Variants in BCLAF1 observed in about 807,000 individuals in gnomAD.
The protein encoded by BCLAF1 is bcl-2-associated transcription factor 1.
BCLAF1 carries 10 observed loss-of-function variants against 99.5 expected under a neutral mutation model. The ratio of observed to expected loss-of-function variants is 0.10; its 90% confidence interval spans 0.06 to 0.17. The LOEUF (loss-of-function observed/expected upper bound fraction) is 0.17, where lower values mean the gene tolerates loss of function less well. BCLAF1 is among the 10% of genes least tolerant of loss of function. BCLAF1 has a pLI of 1.00. For synonymous variants in BCLAF1, 255 were observed against 370.9 expected (o/e 0.69, Z 3.59); for missense variants, 636 against 1,105.8 (o/e 0.58, Z 6.02).
chr6:136,272,325 T>C (rs572540662), intron 7 of BCLAF1, among the ~76,000 whole-genome samples: 5 of 152,100 alleles, frequency 3.3e-5, no homozygotes, highest in African/African-American at 9.6e-5. Context: ...ATCAAACTTA[T>C]TTTAGCCATC....
intron 8 of BCLAF1, chr6:136,270,444 G>C (rs897650250): frequency 6.6e-6 from 1 of 151,774 alleles, no homozygotes; most frequent in African/African-American, 2.4e-5. Context: ...ATCCTTGCTA[G>C]TATTCAACAA....
At chr6:136,277,019 T>C (rs1783526709) in intron 4 of BCLAF1, among the ~76,000 whole-genome samples, 1 of 152,238 alleles carries the variant, frequency 6.6e-6, no homozygotes, top group South Asian at 2.1e-4. Context: ...TAATGATTTC[T>C]GGCACTATTT....
At chr6:136,271,916 C>A (rs1782590567) in intron 8 of BCLAF1, 79 bp downstream of exon 8, 12 of 1,015,752 alleles carry the variant, frequency 1.2e-5, no homozygotes, top group Non-Finnish European at 1.8e-5. Flanking sequence ...AGACATTTTG[C>A]CTTGAGAAAC....
intron 11 of BCLAF1, among the ~76,000 whole-genome samples, chr6:136,264,364 G>A (rs1279237744): frequency 1.1e-4 from 16 of 151,956 alleles, no homozygotes; most frequent in East Asian, 3.9e-4. Context: ...GCACCACCAC[G>A]CTCAGCTAAT....
At position 136,258,502 on chromosome 6, in the gene BCLAF1, C is replaced by CAG. The variant is rs1405624406; in HGVS notation, c.*2607_*2608insCT. ...TATCAAGCCTTACCACACCAGTAAT[C>CAG]TTCCTAACAGATGCGCTGATATTCT... On this transcript the variant is annotated 3_prime_UTR_variant, in exon 13 of 13. Transcript: ENST00000531224. 6.6e-6 allele frequency: 1 copy of CAG among 152,532 alleles called. No individual in the cohort carries two copies. Among genetic ancestry groups the CAG allele is most frequent in the Non-Finnish European group, 1.5e-5 (1 of 67,938 alleles). 9.4% of individuals were successfully genotyped at this position (152,532 alleles called of 1,614,324 possible).
At chr6:136,288,482 A>C (rs565417139) in intron 1 of BCLAF1, among the ~76,000 whole-genome samples, 162 of 152,350 alleles carry the variant, frequency 1.1e-3, no homozygotes, top group African/African-American at 3.8e-3. Context: ...AACCATTCCA[A>C]CTAAAGTCGA....
At chr6:136,274,015 C>A in intron 6 of BCLAF1, 1 of 1,260,706 alleles carries the variant, frequency 7.9e-7, no homozygotes. Flanking sequence ...TTGAAACGGC[C>A]ACTACAAGGG....
Position 136,272,009 on chromosome 6 carries a change from C to T in BCLAF1, c.2029G>A (p.Glu677Lys), listed in dbSNP as rs760630825. The T allele has an allele frequency of 1.9e-6, 3 of 1,602,986 alleles. No homozygotes were observed. The highest frequency in any genetic ancestry group is 2.6e-6 in the Non-Finnish European group (3 of 1,172,986). The change falls in exon 8 of 13, where the codon GAA (glutamate) becomes AAA (lysine). Residue 677 changes from glutamate to lysine, a missense_variant. Glu to Lys is a moderately conservative substitution (Grantham distance 56). Coordinates refer to ENST00000531224, the MANE Select transcript of BCLAF1 (RefSeq NM_014739.3). Reference sequence around the variant, plus strand: ...CAAAAACATACCTTTTGATTTTCTTCTTTAAAAACTCTCTCTTCCCCTGCT... The same window carrying T: ...CAAAAACATACCTTTTGATTTTCTTTTTTAAAAACTCTCTCTTCCCCTGCT... ...RLAGEERVFK[E>K]ENQKGDKKLR...
intron 11 of BCLAF1, among the ~76,000 whole-genome samples, chr6:136,264,468 G>C (rs1006355237): frequency 1.3e-5 from 2 of 152,146 alleles, no homozygotes; most frequent in Admixed American, 1.3e-4. Flanking sequence ...GCCTCCCAAA[G>C]TGCTGGGATT....
chr6:136,277,869 T>G lies in BCLAF1; in HGVS notation c.1012A>C (p.Lys338Gln), dbSNP rs772517381. The G allele has an allele frequency of 1.2e-6, 2 of 1,605,518 alleles. No homozygotes were observed. The highest frequency in any genetic ancestry group is 1.1e-5 in the South Asian group (1 of 90,492). Residue 338 changes from lysine to glutamine, a missense_variant, in exon 4 of 13, where the codon AAA becomes CAA. Coordinates refer to ENST00000531224, the MANE Select transcript of BCLAF1 (RefSeq NM_014739.3). The stretch of plus-strand genomic sequence containing the variant: ...ATTCTGTATTTTAGTTTTTACCTTT[T>G]TAAGAACTTCCCAGTCTTTGCAGTT... ...QETAKTGKFL[K>Q]RFTDEESRVF...
At chr6:136,267,327 T>C (rs1781847140) in intron 10 of BCLAF1, 152 bp from the exon 11 acceptor site, 2 of 936,928 alleles carry the variant, frequency 2.1e-6, no homozygotes, top group Admixed American at 5.8e-5. Flanking sequence ...GGCCATTTTA[T>C]ATCATAGGCA....
At position 136,286,431 on chromosome 6, in the gene BCLAF1, C is replaced by T. The variant is rs186943443; in HGVS notation, c.-115+3282G>A. ...TTTTTTGTTGTTGTTGTTTTAAAGA[C>T]TACTAATGGTACTTCCTTACAAGTA... On this transcript the variant is annotated intron_variant, in intron 1 of 12. Transcript: ENST00000531224. 1.7e-3 allele frequency among the ~76,000 whole-genome samples: 254 copies of T among 152,230 alleles called. 3 individuals are homozygous for T. The highest frequency in any genetic ancestry group is 5.4e-3 in the African/African-American group (225 of 41,542).
intron 1 of BCLAF1, among the ~76,000 whole-genome samples, chr6:136,285,345 A>T (rs1188211573): frequency 6.6e-6 from 1 of 152,216 alleles, no homozygotes; most frequent in East Asian, 1.9e-4. Flanking sequence ...TAGTGCCCTT[A>T]AATTCTAGGT....
At chr6:136,286,698 T>C (rs1298824714) in intron 1 of BCLAF1, among the ~76,000 whole-genome samples, 4 of 152,234 alleles carry the variant, frequency 2.6e-5, no homozygotes, top group Non-Finnish European at 5.9e-5. Flanking sequence ...CTGGGTGCGG[T>C]GGCTTACACC....
In BCLAF1 at chr6:136,279,786, A is replaced by C. The variant is rs1562261677; in HGVS notation, c.81T>G (p.Ser27=). 6.4e-7 allele frequency: 1 copy of C among 1,573,366 alleles called. No individual in the cohort carries two copies. Among genetic ancestry groups the C allele is most frequent in the South Asian group, 1.2e-5 (1 of 81,526 alleles). ...SQSSSRSRSR[S]HSRKKRYSSR... ...ACCTGTATCGCTTCTTTCTAGAATG[A>C]GATCTTGATCTTGATCGAGAACTAG... Residue 27 remains serine (S), a synonymous_variant, in exon 3 of 13, where the codon TCT becomes TCG. Coordinates refer to ENST00000531224, the MANE Select transcript of BCLAF1 (RefSeq NM_014739.3).
chr6:136,274,653 C>G (rs951480756), intron 6 of BCLAF1, among the ~76,000 whole-genome samples: 6 of 151,812 alleles, frequency 4.0e-5, no homozygotes, highest in African/African-American at 1.2e-4. Flanking sequence ...TTTTTAAAAG[C>G]GGGGAGGGGA....
At chr6:136,275,449 A>T in intron 6 of BCLAF1, 83 bp downstream of exon 6, 1 of 1,317,960 alleles carries the variant, frequency 7.6e-7, no homozygotes, top group Non-Finnish European at 1.0e-6. Context: ...CCTGGGGTAC[A>T]TGAATTATTA....
At chr6:136,285,155 C>G (rs1009781351) in intron 1 of BCLAF1, among the ~76,000 whole-genome samples, 3 of 152,064 alleles carry the variant, frequency 2.0e-5, no homozygotes, top group Non-Finnish European at 4.4e-5. Flanking sequence ...TTGAGAAACC[C>G]TTGCAGGGTT....
chr6:136,265,552 A>G (rs1013581375), intron 11 of BCLAF1, among the ~76,000 whole-genome samples: 19 of 151,700 alleles, frequency 1.3e-4, no homozygotes, highest in South Asian at 4.1e-4. Context: ...TCTTAAAAGT[A>G]TTAAGACCTT....
Sources: gnomAD v4.1 joint callset for allele counts (sites outside exome capture counted in the v4.1 genomes callset) on GRCh38, gnomAD v4.1.1 for gene constraint, MANE v1.5 for transcripts, NCBI Gene and HGNC (gene_info 2026-07-23, HGNC 2026-07-21) for gene names.